The following MCOLN2 variants were observed in gnomAD, a reference collection of about 807,000 sequenced individuals.
The protein encoded by MCOLN2 is mucolipin-2.
Under a neutral mutation model 67.5 loss-of-function variants are expected in MCOLN2, and 57 were observed. The ratio of observed to expected loss-of-function variants is 0.84; its 90% CI spans 0.68 to 1.05. The LOEUF (loss-of-function observed/expected upper bound fraction) is 1.05. Among genes scored for constraint, MCOLN2 ranks in the 50% least tolerant of loss-of-function variants. The pLI, the probability that MCOLN2 is intolerant of heterozygous loss-of-function variation, is 0.00. For synonymous variants in MCOLN2, 246 were observed against 233.3 expected (o/e 1.05, Z -0.50); for missense variants, 620 against 678.8 (o/e 0.91, Z 0.96).
chr1:84,938,147 C>A, intron 9 of MCOLN2, 65 bp from the exon 10 acceptor site: 2 of 1,164,310 alleles, frequency 1.7e-6, no homozygotes, highest in Non-Finnish European at 2.5e-6. Context: ...AGCTTATTAG[C>A]CTTACATTAA....
chr1:84,943,007 A>G (rs1647880384), intron 7 of MCOLN2, among the ~76,000 whole-genome samples: 1 of 152,192 alleles, frequency 6.6e-6, no homozygotes, highest in Non-Finnish European at 1.5e-5. Context: ...AGCTAGTTTC[A>G]GGCATTCTGT....
At chr1:84,934,312 G>A (rs571229627) in intron 11 of MCOLN2, among the ~76,000 whole-genome samples, 1 of 129,422 alleles carries the variant, frequency 7.7e-6, no homozygotes, top group African/African-American at 2.7e-5. Flanking sequence ...TATTAAATGG[G>A]TATTTCCATA....
chr1:84,949,816 A>G (rs745728187), intron 6 of MCOLN2, among the ~76,000 whole-genome samples: 1 of 152,154 alleles, frequency 6.6e-6, no homozygotes, highest in Non-Finnish European at 1.5e-5. Flanking sequence ...CTGTCAGTCA[A>G]GAATACTATA....
chr1:84,963,982 A>T (rs1649238158), intron 2 of MCOLN2, among the ~76,000 whole-genome samples: 1 of 152,224 alleles, frequency 6.6e-6, no homozygotes, highest in East Asian at 1.9e-4. Flanking sequence ...ATTTTGGGAA[A>T]CAATTAAAAT....
In MCOLN2 at chr1:84,925,730, C is replaced by A. The variant is rs1462180411; in HGVS notation, c.*955G>T. 1 of 152,194 alleles carries A rather than the reference C, an allele frequency of 6.6e-6. No homozygotes were observed. Among genetic ancestry groups the A allele is most frequent in the East Asian group, 1.9e-4 (1 of 5,198 alleles). 9.4% of individuals were successfully genotyped at this position (152,194 alleles called of 1,614,324 possible). A position where few individuals can be genotyped will look rare whatever the true frequency, so the allele number is the denominator to read the frequency against. ...CCACATGTCATGTGTGTACAACTGACCATTAGCACAAGTGACGAGGCAGCC... is the reference window on the plus strand; with the variant it reads ...CCACATGTCATGTGTGTACAACTGAACATTAGCACAAGTGACGAGGCAGCC... On this transcript the variant is annotated 3_prime_UTR_variant, in exon 14 of 14. Transcript: ENST00000370608.
intron 1 of MCOLN2, among the ~76,000 whole-genome samples, chr1:84,984,713 T>G (rs1047846042): frequency 2.0e-5 from 3 of 152,128 alleles, no homozygotes; most frequent in African/African-American, 7.2e-5. Flanking sequence ...TAACTCAATA[T>G]GGCCAAATGT....
intron 7 of MCOLN2, among the ~76,000 whole-genome samples, chr1:84,941,445 C>A (rs1215062544): frequency 6.6e-6 from 1 of 152,118 alleles, no homozygotes; most frequent in African/African-American, 2.4e-5. Flanking sequence ...TGCAGTGAGC[C>A]GAGATCGTGC....
chr1:84,981,104 A>G (rs528001572), intron 1 of MCOLN2, among the ~76,000 whole-genome samples: 74 of 152,276 alleles, frequency 4.9e-4, no homozygotes, highest in African/African-American at 1.6e-3. Flanking sequence ...CTACAATGAG[A>G]TATCATCTCA....
At chr1:84,985,285 A>G (rs1473773406) in intron 1 of MCOLN2, among the ~76,000 whole-genome samples, 1 of 152,172 alleles carries the variant, frequency 6.6e-6, no homozygotes, top group Non-Finnish European at 1.5e-5. Flanking sequence ...TTGGCTCAGC[A>G]GCATTTGATA....
chr1:84,937,473 T>C (rs759440635), intron 11 of MCOLN2: 4 of 490,938 alleles, frequency 8.1e-6, no homozygotes, highest in Non-Finnish European at 1.2e-5. Flanking sequence ...GTCCAAACAT[T>C]TCCCATTTGA....
intron 1 of MCOLN2, among the ~76,000 whole-genome samples, chr1:84,975,908 T>C (rs901867129): frequency 6.6e-6 from 1 of 151,976 alleles, no homozygotes; most frequent in African/African-American, 2.4e-5. Flanking sequence ...TATCAGAGTC[T>C]CTTAATGGCA....
At position 84,926,529 on chromosome 1, in the gene MCOLN2, C is replaced by T. The variant is rs1661165286; in HGVS notation, c.*156G>A. 2.2e-6 allele frequency: 1 copy of T among 460,812 alleles called. No individual in the cohort carries two copies. Among genetic ancestry groups the T allele is most frequent in the Admixed American group, 4.0e-5 (1 of 24,792 alleles). The allele number at this position is 460,812 out of a possible 1,614,324, so 28.5% of individuals were successfully genotyped here. On this transcript the variant is annotated 3_prime_UTR_variant, in exon 14 of 14. Transcript: ENST00000370608. The stretch of plus-strand genomic sequence containing the variant: ...AAGTTTATAAAAAGTAAAGCTGGAA[C>T]TTCAGTCATGGTCAGCTGGCTAACT...
In MCOLN2 at chr1:84,961,088, A is replaced by C. The variant is rs571867511; in HGVS notation, c.238-2386T>G. Among the ~76,000 whole-genome samples, 8 of 152,324 alleles carry C rather than the reference A, an allele frequency of 5.3e-5. No homozygotes were observed. In the South Asian group the frequency reaches 1.2e-3, roughly 24 times the overall value. On this transcript the variant is annotated intron_variant, in intron 2 of 13. Coordinates refer to ENST00000370608, the MANE Select transcript of MCOLN2 (RefSeq NM_153259.4). Reference sequence around the variant, plus strand: ...ATGCCCATCACAATGTCAAACACTGAATCAGCTGATGAATATAATCCCATT... The same window carrying C: ...ATGCCCATCACAATGTCAAACACTGCATCAGCTGATGAATATAATCCCATT...
intron 12 of MCOLN2, among the ~76,000 whole-genome samples, chr1:84,930,415 C>T (rs1340483057): frequency 6.6e-6 from 1 of 151,996 alleles, no homozygotes; most frequent in Non-Finnish European, 1.5e-5. Flanking sequence ...CTTAGTGGAA[C>T]AGAAGAGAGA....
Position 84,940,893 on chromosome 1 carries a change from G to C in MCOLN2, c.946C>G (p.Leu316Val), listed in dbSNP as rs754754290. 100 of 1,611,854 alleles carry C rather than the reference G, an allele frequency of 6.2e-5. No individual in the cohort carries two copies. Among genetic ancestry groups the C allele is most frequent in the Admixed American group, 5.8e-4 (35 of 59,858 alleles). ...CACACTCTTACCTTCCGTAACCTTA[G>C]AGCAAGAACAATGGATCTTGTACAC... Reference protein sequence around the residue: ...ILCTRSIVLALRLRKRFLNFF... With the variant: ...ILCTRSIVLAVRLRKRFLNFF... The change falls in exon 8 of 14, where the codon CTA becomes GTA. Residue 316 changes from leucine to valine, a missense_variant. Leu to Val is a conservative substitution (Grantham distance 32). Transcript: ENST00000370608.
chr1:84,947,052 G>T lies in MCOLN2; in HGVS notation c.828C>A (p.Asp276Glu). 6.4e-7 allele frequency: 1 copy of T among 1,563,876 alleles called. No individual in the cohort carries two copies. The highest frequency in any genetic ancestry group is 8.8e-7 in the Non-Finnish European group (1 of 1,135,098). ...DSDAKIEECK[D>E]LNIFGSTQKN... ...ACTTACTAGATCCAAATATGTTCAA[G>T]TCTTTACATTCTTCAATTTTGGCAT... The change falls in exon 7 of 14, where the codon GAC becomes GAA. Residue 276 changes from aspartate (D) to glutamate (E), a missense_variant. Physicochemically the swap from Asp to Glu is conservative, Grantham distance 45. Transcript: ENST00000370608.
intron 1 of MCOLN2, among the ~76,000 whole-genome samples, 182 bp downstream of exon 1, chr1:84,996,614 A>C (rs893160000): frequency 2.0e-5 from 3 of 151,814 alleles, no homozygotes; most frequent in African/African-American, 7.3e-5. Context: ...CAACCCTCCC[A>C]CCTGAGGGAA....
chr1:84,937,767 T>C lies in MCOLN2; in HGVS notation c.1323A>G (p.Pro441=), dbSNP rs761683537. 1.2e-6 allele frequency: 2 copies of C among 1,614,180 alleles called. No homozygotes were observed. The highest frequency in any genetic ancestry group is 1.7e-6 in the Non-Finnish European group (2 of 1,180,028). ...YTFCGWIVLG[P]YHDKFENLNT... Reference sequence around the variant, plus strand: ...GTGAGCTACACACCTTGTCATGGTATGGTCCTAAGACAATCCAGCCACAGA... The same window carrying C: ...GTGAGCTACACACCTTGTCATGGTACGGTCCTAAGACAATCCAGCCACAGA... The change falls in exon 11 of 14, where the codon CCA becomes CCG. Residue 441 remains proline, a synonymous_variant. Transcript: ENST00000370608.
chr1:84,957,960 C>T (rs1237912276), intron 3 of MCOLN2, among the ~76,000 whole-genome samples: 1 of 152,232 alleles, frequency 6.6e-6, no homozygotes, highest in Admixed American at 6.5e-5. Flanking sequence ...TTCAAGTCTA[C>T]TAATCTGCTT....
Sources: gnomAD v4.1 joint callset for allele counts (sites outside exome capture counted in the v4.1 genomes callset) on GRCh38, gnomAD v4.1.1 for gene constraint, MANE v1.5 for transcripts, NCBI Gene and HGNC (gene_info 2026-07-23, HGNC 2026-07-21) for gene names.